Variants in MX2 observed in about 807,000 individuals in gnomAD.
MX2 encodes the protein interferon-induced GTP-binding protein Mx2.
MX2 carries 51 observed loss-of-function variants against 74.0 expected under a neutral mutation model. The ratio of observed to expected loss-of-function variants is 0.69; its 90% CI spans 0.55 to 0.87. MX2 has a LOEUF of 0.87. Among genes scored for constraint, MX2 ranks in the 40% least tolerant of loss-of-function variants. The pLI is 0.00. For synonymous variants in MX2, 369 were observed against 339.3 expected (o/e 1.09, Z -0.96); for missense variants, 832 against 908.7 (o/e 0.92, Z 1.09).
At chr21:41,384,902 T>C (rs2089549469) in intron 5 of MX2, among the ~76,000 whole-genome samples, 1 of 152,172 alleles carries the variant, frequency 6.6e-6, no homozygotes, top group Admixed American at 6.5e-5. Flanking sequence ...AAGTTTCTTT[T>C]GTTTCTTTAA....
At chr21:41,365,572 A>T (rs1409624634) in intron 1 of MX2, 1 of 152,032 alleles carries the variant, frequency 6.6e-6, no homozygotes, top group Non-Finnish European at 1.5e-5. Context: ...ATTCTTTTTG[A>T]TGGTTGCATA....
Position 41,377,891 on chromosome 21 carries a change from CT to C in MX2, c.353del (p.Leu118ArgfsTer33). ...TCTGGGTGTGGAGCAGGACCTGGCC[CT>C]GCCAGCCATCGCCGTCATCGGGGAC... ...RALGVEQDLA[L>X]PAIAVIGDQS... is the part of the protein sequence containing the mutation. On this transcript the variant is annotated frameshift_variant, in exon 3 of 14. Coordinates refer to ENST00000330714, the MANE Select transcript of MX2 (RefSeq NM_002463.2). LOFTEE classifies it high-confidence loss of function. The C allele has an allele frequency of 6.2e-7, 1 of 1,614,238 alleles. No individual in the cohort carries two copies. Among genetic ancestry groups the C allele is most frequent in the Non-Finnish European group, 8.5e-7 (1 of 1,180,050 alleles).
At chr21:41,403,607 A>G (rs373671003) in intron 12 of MX2, 8 of 696,380 alleles carry the variant, frequency 1.1e-5, no homozygotes, top group East Asian at 5.9e-5. Context: ...GACCTTACGC[A>G]GGATGTGGGG....
Position 41,380,570 on chromosome 21 carries a change from C to T in MX2, c.577+419C>T, listed in dbSNP as rs772523725. ...CCCTTTGGAAATGCTGCTGCAGGAC[C>T]CCTGGTCCCACCCCAGGTGTCACAA... is the stretch of plus-strand genomic sequence containing the variant. On this transcript the variant is annotated intron_variant, in intron 4 of 13. Coordinates refer to ENST00000330714, the MANE Select transcript of MX2 (RefSeq NM_002463.2). The surrounding 1 kb of genome is among the most constrained non-coding windows in gnomAD (Gnocchi z 4.3). 2.0e-5 allele frequency among the ~76,000 whole-genome samples: 3 copies of T among 152,164 alleles called. No homozygotes were observed. The highest frequency in any genetic ancestry group is 4.4e-5 in the Non-Finnish European group (3 of 68,026).
rs569766148 is a variant in MX2, at chr21:41,378,597, C to T, written c.442+616C>T. Among the ~76,000 whole-genome samples, 116 of 152,344 alleles carry T rather than the reference C, an allele frequency of 7.6e-4. 1 individual carries two copies. Among genetic ancestry groups the T allele is most frequent in the Middle Eastern group, 3.4e-3 (1 of 294 alleles). ...AGGATCATGATATGAGACACCTTTTCCTTGAACAAAAACTTTTAAAAGTCT... is the reference window on the plus strand; with the variant it reads ...AGGATCATGATATGAGACACCTTTTTCTTGAACAAAAACTTTTAAAAGTCT... On this transcript the variant is annotated intron_variant, in intron 3 of 13. Transcript: ENST00000330714.
chr21:41,367,451 TA>T (rs1238045821), intron 1 of MX2: 2 of 152,060 alleles, frequency 1.3e-5, no homozygotes, highest in Admixed American at 6.6e-5. Context: ...AATAAGATGG[TA>T]ATGTTATAGG....
intron 1 of MX2, among the ~76,000 whole-genome samples, chr21:41,369,355 A>G (rs1478529831): frequency 6.6e-6 from 1 of 152,160 alleles, no homozygotes; most frequent in Non-Finnish European, 1.5e-5. Flanking sequence ...GCTCTGCTGG[A>G]AGATCCGCCC....
At position 41,378,232 on chromosome 21, in the gene MX2, G is replaced by A. The variant is rs533976453; in HGVS notation, c.442+251G>A. ...GAGAGACAGGTCACTGGGAGAGACA[G>A]ACCATTGGGAGAGACAGGCTGCTGG... On this transcript the variant is annotated intron_variant, in intron 3 of 13. Coordinates refer to ENST00000330714, the MANE Select transcript of MX2 (RefSeq NM_002463.2). Among the ~76,000 whole-genome samples the A allele has an allele frequency of 8.3e-4, 126 of 151,928 alleles. 1 individual carries two copies. Among genetic ancestry groups the A allele is most frequent in the African/African-American group, 3.0e-3 (124 of 41,436 alleles).
intron 6 of MX2, among the ~76,000 whole-genome samples, chr21:41,394,060 C>G (rs1405452962): frequency 1.3e-5 from 2 of 152,224 alleles, no homozygotes; most frequent in Non-Finnish European, 2.9e-5. Flanking sequence ...ACCATGGTCT[C>G]CTGCCTGGTC....
intron 7 of MX2, 47 bp from the exon 8 acceptor site, chr21:41,397,566 T>C: frequency 6.4e-7 from 1 of 1,556,522 alleles, no homozygotes; most frequent in Non-Finnish European, 8.9e-7. Flanking sequence ...ACTAGCAAGA[T>C]GGTACACAAG....
chr21:41,407,849 A>C (rs1431890395), intron 13 of MX2, 142 bp from the exon 14 acceptor site: 16 of 1,028,118 alleles, frequency 1.6e-5, no homozygotes, highest in Non-Finnish European at 1.4e-6. Context: ...CTTGATGCTG[A>C]CCACCGGAGT....
chr21:41,373,080 G>A (rs557105272), intron 1 of MX2: 1 of 152,200 alleles, frequency 6.6e-6, no homozygotes, highest in Non-Finnish European at 1.5e-5. Flanking sequence ...AAGATATCGT[G>A]CAGATGGTGG....
intron 7 of MX2, among the ~76,000 whole-genome samples, chr21:41,396,988 G>A (rs931994290): frequency 2.0e-5 from 3 of 152,194 alleles, no homozygotes; most frequent in African/African-American, 2.4e-5. Context: ...TTTGCAAACC[G>A]CTTCTCAAGG....
At chr21:41,372,336 A>AC (rs2089336554) in intron 1 of MX2, among the ~76,000 whole-genome samples, 2 of 152,216 alleles carry the variant, frequency 1.3e-5, no homozygotes, top group African/African-American at 2.4e-5. Flanking sequence ...CATGGCACTC[A>AC]AGGACAGGTG....
In MX2 at chr21:41,408,099, A is replaced by G; in HGVS notation, c.2014A>G (p.Lys672Glu). Residue 672 changes from lysine (K) to glutamate (E), a missense_variant, in exon 14 of 14, where the codon AAA becomes GAA. Coordinates refer to ENST00000330714, the MANE Select transcript of MX2 (RefSeq NM_002463.2). ...AGCCATGATGCAGATACTACAGGAA[A>G]AAAATCGCTATTCCTGGCTGCTTCA... ...QKAMMQILQE[K>E]NRYSWLLQEQ... 1.2e-6 allele frequency: 2 copies of G among 1,614,234 alleles called. No homozygotes were observed. The highest frequency in any genetic ancestry group is 1.1e-5 in the South Asian group (1 of 91,082).
intron 4 of MX2, among the ~76,000 whole-genome samples, chr21:41,381,687 A>G (rs1285045004): frequency 3.4e-5 from 5 of 149,146 alleles, no homozygotes; most frequent in African/African-American, 1.2e-4. Flanking sequence ...TCTGTCTCAA[A>G]AAAAAAAAAA....
intron 1 of MX2, among the ~76,000 whole-genome samples, chr21:41,375,339 C>T (rs1202390640): frequency 6.6e-6 from 1 of 152,242 alleles, no homozygotes; most frequent in African/African-American, 2.4e-5. Flanking sequence ...CATTCAGAGT[C>T]GTACCCTTGT....
chr21:41,378,185 G>T (rs2089436058), intron 3 of MX2, among the ~76,000 whole-genome samples: 1 of 134,716 alleles, frequency 7.4e-6, no homozygotes, highest in African/African-American at 3.2e-5. Flanking sequence ...GAGACAGGCT[G>T]CTGGGAGAGA....
intron 7 of MX2, 36 bp downstream of exon 7, chr21:41,395,821 C>T (rs1295555082): frequency 6.2e-7 from 1 of 1,604,964 alleles, no homozygotes; most frequent in Non-Finnish European, 8.5e-7. Context: ...AATTAGACTC[C>T]ATGAAAGCCA....
Sources: gnomAD v4.1 joint callset for allele counts (sites outside exome capture counted in the v4.1 genomes callset) on GRCh38, gnomAD v4.1.1 for gene constraint, Gnocchi (gnomAD v3.1) non-coding constraint, MANE v1.5 for transcripts, NCBI Gene and HGNC (gene_info 2026-07-23, HGNC 2026-07-21) for gene names.